FHIP2A: variants seen among roughly 807,000 people sequenced by gnomAD.
FHIP2A encodes family with sequence similarity 160 member B1.
A neutral mutation model predicts 93.5 loss-of-function variants in FHIP2A; 46 were observed. The ratio of observed to expected loss-of-function variants is 0.49; its 90% CI spans 0.39 to 0.63. The LOEUF (loss-of-function observed/expected upper bound fraction) is 0.63, where lower values mean the gene tolerates loss of function less well. FHIP2A is among the 20% of genes least tolerant of loss of function. The pLI is 0.00. For synonymous variants in FHIP2A, 332 were observed against 326.5 expected (o/e 1.02, Z -0.18); for missense variants, 769 against 909.7 (o/e 0.85, Z 1.99).
At chr10:114,847,750 CTT>C (rs35185002) in intron 12 of FHIP2A, among the ~76,000 whole-genome samples, 5 of 138,982 alleles carry the variant, frequency 3.6e-5, no homozygotes, top group Admixed American at 7.3e-5. Context: ...CCTCCCCCAC[CTT>C]TTTTTTTTTT....
intron 13 of FHIP2A, among the ~76,000 whole-genome samples, chr10:114,854,951 T>G (rs2083758213): frequency 6.6e-6 from 1 of 152,186 alleles, no homozygotes; most frequent in South Asian, 2.1e-4. Flanking sequence ...TAGGGGTATT[T>G]TAGTAAAGTT....
At chr10:114,869,878 A>G (rs1404457254) in intron 16 of FHIP2A, among the ~76,000 whole-genome samples, 2 of 152,220 alleles carry the variant, frequency 1.3e-5, no homozygotes, top group African/African-American at 4.8e-5. Flanking sequence ...CATAGCATAT[A>G]ATATAATTTA....
chr10:114,839,839 G>A (rs1221980719), intron 5 of FHIP2A, among the ~76,000 whole-genome samples: 2 of 138,106 alleles, frequency 1.4e-5, no homozygotes, highest in Non-Finnish European at 3.0e-5. Flanking sequence ...CCAAGATCAC[G>A]CCACTGCACT....
intron 16 of FHIP2A, among the ~76,000 whole-genome samples, chr10:114,884,861 C>G (rs563825390): frequency 1.3e-5 from 2 of 148,528 alleles, no homozygotes; most frequent in South Asian, 4.2e-4. Flanking sequence ...TTGCAGTGAG[C>G]TGAGATAGTG....
intron 1 of FHIP2A, among the ~76,000 whole-genome samples, chr10:114,824,265 G>C (rs1006377866): frequency 2.0e-5 from 3 of 152,114 alleles, no homozygotes; most frequent in African/African-American, 7.2e-5. Context: ...AAAGAAAGAC[G>C]GCTTTCCTGC....
chr10:114,846,412 T>TA, intron 10 of FHIP2A, 45 bp downstream of exon 10: 1 of 1,457,740 alleles, frequency 6.9e-7, no homozygotes, highest in South Asian at 1.2e-5. Flanking sequence ...TTCTTTGAAA[T>TA]ACGGTTTTAA....
At chr10:114,856,300 T>C (rs932351565) in intron 14 of FHIP2A, among the ~76,000 whole-genome samples, 1 of 152,150 alleles carries the variant, frequency 6.6e-6, no homozygotes, top group African/African-American at 2.4e-5. Flanking sequence ...CTTTTTTTTT[T>C]CTTTTTTAAC....
At chr10:114,885,147 C>T (rs1006247432) in intron 16 of FHIP2A, among the ~76,000 whole-genome samples, 1 of 151,934 alleles carries the variant, frequency 6.6e-6, no homozygotes, top group Non-Finnish European at 1.5e-5. Flanking sequence ...ATAATCCCAG[C>T]ACTTTGGGAG....
downstream of FHIP2A, among the ~76,000 whole-genome samples, chr10:114,866,982 G>A (rs1057151792): frequency 1.3e-5 from 2 of 152,144 alleles, no homozygotes; most frequent in African/African-American, 4.8e-5. Flanking sequence ...GCTGAGGCAG[G>A]CAGATTACTT....
chr10:114,862,725 T>C lies in FHIP2A; in HGVS notation c.*1185T>C, dbSNP rs1336727800. On this transcript the variant is annotated 3_prime_UTR_variant, in exon 17 of 17. Coordinates refer to ENST00000369248, the MANE Select transcript of FHIP2A (RefSeq NM_020940.4). ...GTGTTTGCCAGTCCACTTTCTATTT[T>C]TCCTTTAAGTGATGCTGATCACTCA... 1.0e-6 allele frequency: 1 copy of C among 985,470 alleles called. No homozygotes were observed. The highest frequency in any genetic ancestry group is 1.2e-6 in the Non-Finnish European group (1 of 830,050). 61.0% of individuals were successfully genotyped at this position (985,470 alleles called of 1,614,324 possible).
chr10:114,835,885 A>C (rs2083634295), intron 4 of FHIP2A, among the ~76,000 whole-genome samples: 1 of 152,192 alleles, frequency 6.6e-6, no homozygotes, highest in South Asian at 2.1e-4. Flanking sequence ...CTTCCATGAC[A>C]TCTGAAGGAG....
chr10:114,878,438 A>T (rs1201950357), intron 16 of FHIP2A, among the ~76,000 whole-genome samples: 1 of 152,176 alleles, frequency 6.6e-6, no homozygotes, highest in Non-Finnish European at 1.5e-5. Context: ...GCCCATTTTC[A>T]TATCTTTGTG....
intron 16 of FHIP2A, among the ~76,000 whole-genome samples, chr10:114,892,947 T>C (rs1425889209): frequency 1.3e-5 from 2 of 152,142 alleles, no homozygotes; most frequent in Non-Finnish European, 2.9e-5. Flanking sequence ...AATAGAAGAA[T>C]AAGCTCTAAA....
intron 14 of FHIP2A, among the ~76,000 whole-genome samples, chr10:114,857,634 T>G (rs2083774979): frequency 6.6e-6 from 1 of 152,144 alleles, no homozygotes; most frequent in South Asian, 2.1e-4. Context: ...TTTTTCTTTT[T>G]CTTTTGTTTT....
At chr10:114,886,541 GTTTTGGT>G (rs1336698590) in intron 16 of FHIP2A, among the ~76,000 whole-genome samples, 1 of 152,030 alleles carries the variant, frequency 6.6e-6, no homozygotes, top group Non-Finnish European at 1.5e-5. Context: ...CTATTTTTGT[GTTTTGGT>G]TTTTGGGTTT....
intron 16 of FHIP2A, among the ~76,000 whole-genome samples, chr10:114,878,473 A>C (rs1277182125): frequency 1.3e-5 from 2 of 152,192 alleles, no homozygotes; most frequent in Admixed American, 1.3e-4. Context: ...ATCAGGATAG[A>C]TAAGTCCAGA....
At chr10:114,828,748 C>T (rs777904395) in intron 1 of FHIP2A, among the ~76,000 whole-genome samples, 58 of 152,018 alleles carry the variant, frequency 3.8e-4, no homozygotes, top group Non-Finnish European at 7.1e-4. Flanking sequence ...CCATGTTCTC[C>T]TTGAAGTTAA....
At chr10:114,823,661 A>T (rs1197397571) in intron 1 of FHIP2A, among the ~76,000 whole-genome samples, 1 of 139,466 alleles carries the variant, frequency 7.2e-6, no homozygotes, top group Non-Finnish European at 1.6e-5. Context: ...CACACGGCTA[A>T]TTTTTTTTTT....
intron 16 of FHIP2A, among the ~76,000 whole-genome samples, chr10:114,889,016 G>C (rs544588299): frequency 6.6e-6 from 1 of 152,020 alleles, no homozygotes; most frequent in African/African-American, 2.4e-5. Context: ...AATCTATATT[G>C]CTTACCAAAA....
Sources: allele counts gnomAD v4.1 joint callset (sites outside exome capture counted in the v4.1 genomes callset), GRCh38; gene constraint gnomAD v4.1.1; transcripts MANE v1.5; gene names NCBI Gene and HGNC (gene_info 2026-07-23, HGNC 2026-07-21).